RPS6KC1: variants seen among roughly 807,000 people sequenced by gnomAD.
RPS6KC1 encodes the protein inactive ribosomal protein S6 kinase delta-1.
Under a neutral mutation model 103.8 loss-of-function variants are expected in RPS6KC1, and 54 were observed. The observed-to-expected ratio is 0.52, with a 90% confidence interval of 0.42 to 0.65. The LOEUF (loss-of-function observed/expected upper bound fraction) is 0.65, where lower values mean the gene tolerates loss of function less well. Ranked by LOEUF, RPS6KC1 falls within the 30% of genes least tolerant of loss-of-function variation. The probability of loss-of-function intolerance (pLI) is 0.00; values close to 1 mark genes in which losing one functional copy is unlikely to be tolerated. For synonymous variants in RPS6KC1, 439 were observed against 438.7 expected (o/e 1.00, Z -0.01); for missense variants, 1,151 against 1,253.8 (o/e 0.92, Z 1.24).
chr1:213,211,896 T>C (rs61542547), intron 8 of RPS6KC1, among the ~76,000 whole-genome samples: 7,379 of 152,232 alleles, frequency 0.048, 595 homozygotes, highest in African/African-American at 0.17. Flanking sequence ...AGATGGGAAG[T>C]AGAGAAGCAT....
At chr1:213,152,841 G>C (rs1030905296) in intron 6 of RPS6KC1, among the ~76,000 whole-genome samples, 1 of 152,222 alleles carries the variant, frequency 6.6e-6, no homozygotes, top group East Asian at 1.9e-4. Flanking sequence ...ACGGGGTGGC[G>C]GCCGGGCAGA....
chr1:213,576,680 A>G, the RPS6KC1 span, among the ~76,000 whole-genome samples: 133 of 152,302 alleles, frequency 8.7e-4, 3 homozygotes, highest in East Asian at 0.025. Flanking sequence ...ACAAAACAAA[A>G]TTAAGATTAG....
the RPS6KC1 span, among the ~76,000 whole-genome samples, chr1:213,441,112 T>C: frequency 1.3e-5 from 2 of 152,212 alleles, no homozygotes; most frequent in Non-Finnish European, 2.9e-5. Flanking sequence ...AATTATCTCA[T>C]ATAGAGTAAA....
the RPS6KC1 span, among the ~76,000 whole-genome samples, chr1:213,659,623 C>T: frequency 6.6e-6 from 1 of 150,888 alleles, no homozygotes; most frequent in Non-Finnish European, 1.5e-5. Flanking sequence ...TAAAGAATTT[C>T]TCTTGTATTC....
chr1:213,353,434 G>A, the RPS6KC1 span, among the ~76,000 whole-genome samples: 1 of 152,232 alleles, frequency 6.6e-6, no homozygotes, highest in Non-Finnish European at 1.5e-5. Flanking sequence ...GAAGCAAAAA[G>A]GAGTAACTTA....
the RPS6KC1 span, among the ~76,000 whole-genome samples, chr1:213,574,249 C>G: frequency 1.3e-5 from 2 of 152,154 alleles, no homozygotes; most frequent in Admixed American, 1.3e-4. Context: ...GGTTGGTGCC[C>G]TCTTGCCGTT....
the RPS6KC1 span, among the ~76,000 whole-genome samples, chr1:213,527,284 A>G: frequency 6.6e-6 from 1 of 152,202 alleles, no homozygotes; most frequent in African/African-American, 2.4e-5. Flanking sequence ...GTAGTGTTTT[A>G]TGGTTTATAA....
At chr1:213,137,106 G>T (rs2086359728) in intron 6 of RPS6KC1, among the ~76,000 whole-genome samples, 1 of 151,874 alleles carries the variant, frequency 6.6e-6, no homozygotes, top group Admixed American at 6.6e-5. Context: ...GATGATGATG[G>T]GGAATGGGTT....
At chr1:213,228,856 G>C (rs924068839) in intron 8 of RPS6KC1, among the ~76,000 whole-genome samples, 3 of 152,078 alleles carry the variant, frequency 2.0e-5, no homozygotes, top group Non-Finnish European at 4.4e-5. Context: ...GAGAATACAG[G>C]GTGGATAAGA....
chr1:213,235,045 G>A (rs2094192142), intron 10 of RPS6KC1, among the ~76,000 whole-genome samples: 1 of 152,192 alleles, frequency 6.6e-6, no homozygotes, highest in Non-Finnish European at 1.5e-5. Context: ...CCGTAGATTA[G>A]GAAGTTGGCC....
chr1:213,499,248 G>A, the RPS6KC1 span, among the ~76,000 whole-genome samples: 3 of 152,154 alleles, frequency 2.0e-5, no homozygotes, highest in Non-Finnish European at 2.9e-5. Context: ...AACTGGAATG[G>A]AGTTGACAAA....
chr1:213,468,176 A>T, the RPS6KC1 span, among the ~76,000 whole-genome samples: 3 of 152,218 alleles, frequency 2.0e-5, no homozygotes, highest in East Asian at 5.8e-4. Context: ...TTAATTCTTG[A>T]TCATAGGCAC....
At chr1:213,734,969 G>T in the RPS6KC1 span, among the ~76,000 whole-genome samples, 12,181 of 152,254 alleles carry the variant, frequency 0.08, 609 homozygotes, top group Middle Eastern at 0.19. Flanking sequence ...TGTAGCCCAG[G>T]CTGGAGTGTA....
chr1:213,236,973 G>T (rs985297904), intron 10 of RPS6KC1, among the ~76,000 whole-genome samples: 6 of 151,996 alleles, frequency 3.9e-5, no homozygotes, highest in Admixed American at 1.3e-4. Context: ...TCACTTTGTT[G>T]CCCAGACCTA....
chr1:213,555,291 C>A, the RPS6KC1 span, among the ~76,000 whole-genome samples: 1 of 152,218 alleles, frequency 6.6e-6, no homozygotes, highest in Non-Finnish European at 1.5e-5. Context: ...CCCTCCCTGG[C>A]AGCAAGGCCC....
the RPS6KC1 span, among the ~76,000 whole-genome samples, chr1:213,628,726 A>G: frequency 3.4e-4 from 52 of 152,018 alleles, no homozygotes; most frequent in Admixed American, 6.5e-4. Context: ...ATTTAGTGCT[A>G]TAAATTTCCC....
At chr1:213,167,743 A>G in intron 6 of RPS6KC1, 115 bp from the exon 7 acceptor site, 1 of 516,652 alleles carries the variant, frequency 1.9e-6, no homozygotes, top group Non-Finnish European at 3.3e-6. Flanking sequence ...AATTTTGAAT[A>G]TCTCTTCTTT....
rs1234065045 is a variant in RPS6KC1, at chr1:213,071,629, C to T, written c.141+588C>T. Among the ~76,000 whole-genome samples, 13 of 152,158 alleles carry T rather than the reference C, an allele frequency of 8.5e-5. 1 individual carries two copies. On this transcript the variant is annotated intron_variant, in intron 2 of 14. Transcript: ENST00000366960. ...ACTAGTGTTTACAAGATTTCAGTATCACTTAAGGGCCCCTATTTACCCATT... is the reference window on the plus strand; with the variant it reads ...ACTAGTGTTTACAAGATTTCAGTATTACTTAAGGGCCCCTATTTACCCATT...
At chr1:213,763,572 T>G in the RPS6KC1 span, among the ~76,000 whole-genome samples, 1 of 152,210 alleles carries the variant, frequency 6.6e-6, no homozygotes, top group Non-Finnish European at 1.5e-5. Context: ...AAAAAGGGGA[T>G]GCTGAGCAGC....
Sources: allele counts gnomAD v4.1 joint callset (sites outside exome capture counted in the v4.1 genomes callset), GRCh38; gene constraint gnomAD v4.1.1; transcripts MANE v1.5; gene names NCBI Gene and HGNC (gene_info 2026-07-23, HGNC 2026-07-21).